Variants in DDX56 observed in about 807,000 individuals in gnomAD.
The protein encoded by DDX56 is DEAD-box helicase 56.
A neutral mutation model predicts 61.5 loss-of-function variants in DDX56; 45 were observed. The observed-to-expected ratio is 0.73, with a 90% CI of 0.58 to 0.94. The LOEUF (loss-of-function observed/expected upper bound fraction) is 0.94. Among genes scored for constraint, DDX56 ranks in the 40% least tolerant of loss-of-function variants. DDX56 has a pLI of 0.00. For synonymous variants in DDX56, 273 were observed against 268.3 expected, an observed-to-expected ratio of 1.02 and a Z score of -0.17; for missense variants, 708 against 690.7, an observed-to-expected ratio of 1.02 and a Z score of -0.28.
Position 44,569,923 on chromosome 7 carries a change from A to G in DDX56, c.1125-20T>C, listed in dbSNP as rs1802630408. On this transcript the variant is annotated intron_variant, in intron 8 of 13. Transcript: ENST00000258772. ...GCTGTCCTGCAAGGGAAGACAGTGC[A>G]GCTTGCATCTCCAACCCGCAGGCTC... 5.0e-6 allele frequency: 8 copies of G among 1,611,418 alleles called. No homozygotes were observed. Among genetic ancestry groups the G allele is most frequent in the Non-Finnish European group, 6.8e-6 (8 of 1,178,586 alleles).
At position 44,573,305 on chromosome 7, in the gene DDX56, T is replaced by G. The variant is rs149294210; in HGVS notation, c.223-255A>C. ...TAGTTATGAAGCTAAATTCTCACAATAATTCTGTAAGTAGAAAAGATAGAT... is the reference window on the plus strand; with the variant it reads ...TAGTTATGAAGCTAAATTCTCACAAGAATTCTGTAAGTAGAAAAGATAGAT... On this transcript the variant is annotated intron_variant, in intron 2 of 13. Coordinates refer to ENST00000258772, the MANE Select transcript of DDX56 (RefSeq NM_019082.4). 1.9e-4 allele frequency among the ~76,000 whole-genome samples: 29 copies of G among 152,364 alleles called. No homozygotes were observed. In the East Asian group the frequency reaches 5.4e-3, roughly 28 times the overall value.
At position 44,568,229 on chromosome 7, in the gene DDX56, G is replaced by A. The variant is rs751082492; in HGVS notation, c.1384-6C>T. 3.5e-5 allele frequency: 56 copies of A among 1,597,476 alleles called. No homozygotes were observed. The highest frequency in any genetic ancestry group is 5.1e-5 in the Admixed American group (3 of 58,910). ...GGGTTGTCTTCAAAGTATGTCTGCC[G>A]GGGGAAGAGGGAGAGCCACAGAGTG... is the stretch of plus-strand genomic sequence containing the variant. On this transcript the variant is annotated splice_polypyrimidine_tract_variant and splice_region_variant and intron_variant, in intron 11 of 13. Transcript: ENST00000258772.
Position 44,569,942 on chromosome 7 carries a change from C to A in DDX56, c.1125-39G>T, listed in dbSNP as rs1367501442. 6 of 1,611,660 alleles carry A rather than the reference C, an allele frequency of 3.7e-6. No individual in the cohort carries two copies. In the Admixed American group the frequency reaches 1.0e-4, roughly 27 times the overall value. On this transcript the variant is annotated intron_variant, in intron 8 of 13. Coordinates refer to ENST00000258772, the MANE Select transcript of DDX56 (RefSeq NM_019082.4). ...CAGTGCAGCTTGCATCTCCAACCCG[C>A]AGGCTCTGTCCAGCACACCCCAAGT...
Position 44,566,435 on chromosome 7 carries a change from C to A in DDX56, c.1566+13G>T. 1 of 1,551,086 alleles carries A rather than the reference C, an allele frequency of 6.4e-7. No individual in the cohort carries two copies. Among genetic ancestry groups the A allele is most frequent in the South Asian group, 1.2e-5 (1 of 84,050 alleles). ...GGAGTCCTGGGGCTGTCCGCAGTCC[C>A]CAGGAGCCGTACCTTGGCCTTCCTA... On this transcript the variant is annotated intron_variant, in intron 13 of 13. Transcript: ENST00000258772.
chr7:44,571,025 G>C, intron 6 of DDX56, 148 bp from the exon 7 acceptor site: 1 of 1,102,904 alleles, frequency 9.1e-7, no homozygotes, highest in Non-Finnish European at 1.2e-6. Flanking sequence ...AGTTTCCTCA[G>C]CTGGAAATAA....
At chr7:44,573,473 C>A (rs568745589) in intron 2 of DDX56, 110 bp downstream of exon 2, 3 of 1,406,084 alleles carry the variant, frequency 2.1e-6, no homozygotes, top group African/African-American at 1.4e-5. Context: ...GGTTCTCAGG[C>A]CGGCCTGCAC....
rs1802651645 is a variant in DDX56, at chr7:44,570,832, GAC to G, written c.934_935del (p.Val312HisfsTer4). The G allele has an allele frequency of 1.9e-6, 3 of 1,614,050 alleles. No individual in the cohort carries two copies. The highest frequency in any genetic ancestry group is 1.7e-6 in the Non-Finnish European group (2 of 1,179,928). ...SQFNQGFYDC[V>X]IATDAEVLGA... ...CCAGGACTTCAGCATCAGTTGCTATGACACAGTCGTAGAAGCCTTGGTTGAAC... is the reference window on the plus strand; with the variant it reads ...CCAGGACTTCAGCATCAGTTGCTATGACAGTCGTAGAAGCCTTGGTTGAAC... On this transcript the variant is annotated frameshift_variant, in exon 7 of 14. Coordinates refer to ENST00000258772, the MANE Select transcript of DDX56 (RefSeq NM_019082.4). LOFTEE classifies it high-confidence loss of function.
At chr7:44,567,710 G>A (rs1192153457) in intron 12 of DDX56, 2 of 287,194 alleles carry the variant, frequency 7.0e-6, no homozygotes, top group Admixed American at 9.7e-5. Flanking sequence ...CTCCACAGAT[G>A]CCTCTTCAGC....
rs777735736 is a variant in DDX56 at position 44,570,763 on chromosome 7, C to A, written c.1005G>T (p.Gly335=). 3.1e-6 allele frequency: 5 copies of A among 1,608,446 alleles called. No individual in the cohort carries two copies. The highest frequency in any genetic ancestry group is 4.2e-6 in the Non-Finnish European group (5 of 1,177,146). The stretch of plus-strand genomic sequence containing the variant: ...AAAAAGAGGCATGGACTCACTTGTC[C>A]CCTTTGGGCCCTCGGCCCCGACGCT... The part of the protein sequence containing the change: ...KGKRRGRGPK[G]DKASDPEAGV... Residue 335 remains glycine (G), a synonymous_variant, in exon 7 of 14, where the codon GGG becomes GGT. Transcript: ENST00000258772.
intron 2 of DDX56, 61 bp from the exon 3 acceptor site, chr7:44,573,111 C>A: frequency 6.8e-7 from 1 of 1,472,808 alleles, no homozygotes; most frequent in Non-Finnish European, 9.1e-7. Flanking sequence ...CCACGTGTCT[C>A]TACCCCTTCC....
chr7:44,568,008 C>A, intron 12 of DDX56, 110 bp downstream of exon 12: 1 of 855,408 alleles, frequency 1.2e-6, no homozygotes. Context: ...TCTCCAGGTT[C>A]TATTCTGCCT....
At chr7:44,568,605 G>A (rs1474801937) in intron 11 of DDX56, among the ~76,000 whole-genome samples, 1 of 152,062 alleles carries the variant, frequency 6.6e-6, no homozygotes, top group Non-Finnish European at 1.5e-5. Context: ...GCAGGCACAT[G>A]CTTGACTGTG....
At chr7:44,569,715 T>A in intron 9 of DDX56, 94 bp downstream of exon 9, 1 of 1,120,144 alleles carries the variant, frequency 8.9e-7, no homozygotes. Context: ...CCTGTCACAC[T>A]ATGTTGTGAC....
At chr7:44,573,255 G>A (rs577195065) in intron 2 of DDX56, among the ~76,000 whole-genome samples, 55 of 152,340 alleles carry the variant, frequency 3.6e-4, no homozygotes, top group African/African-American at 8.2e-4. Flanking sequence ...GTACTCTGAT[G>A]TTTATGAAGC....
At chr7:44,573,108 T>A in intron 2 of DDX56, 58 bp from the exon 3 acceptor site, 10 of 1,478,392 alleles carry the variant, frequency 6.8e-6, no homozygotes, top group Non-Finnish European at 9.1e-6. Context: ...TGTCCACGTG[T>A]CTCTACCCCT....
rs774897954 is a variant in DDX56, at chr7:44,568,996, G to T, written c.1294-4C>A. 2 of 1,614,056 alleles carry T rather than the reference G, an allele frequency of 1.2e-6. No individual in the cohort carries two copies. The highest frequency in any genetic ancestry group is 1.3e-5 in the African/African-American group (1 of 75,066). ...TAGTCACTGAGCGCATGGCATCCTG[G>T]GGGTGGACACTGAAGGTCAAGACAG... On this transcript the variant is annotated splice_polypyrimidine_tract_variant and splice_region_variant and intron_variant, in intron 10 of 13. Coordinates refer to ENST00000258772, the MANE Select transcript of DDX56 (RefSeq NM_019082.4).
At chr7:44,567,329 G>C (rs1239062323) in intron 12 of DDX56, among the ~76,000 whole-genome samples, 2 of 152,170 alleles carry the variant, frequency 1.3e-5, no homozygotes, top group African/African-American at 2.4e-5. Context: ...GTGGCTGCAG[G>C]TCCAGGCTGA....
At chr7:44,569,937 A>G in intron 8 of DDX56, 34 bp from the exon 9 acceptor site, 1 of 1,611,456 alleles carries the variant, frequency 6.2e-7, no homozygotes, top group Non-Finnish European at 8.5e-7. Context: ...TGCATCTCCA[A>G]CCCGCAGGCT....
intron 13 of DDX56, 57 bp from the exon 14 acceptor site, chr7:44,566,136 C>T (rs56160701): frequency 4.3e-6 from 3 of 698,692 alleles, no homozygotes; most frequent in Non-Finnish European, 6.3e-6. Context: ...ACAATCCACC[C>T]ACCCACCCAC....
Sources: gnomAD v4.1 joint callset for allele counts (sites outside exome capture counted in the v4.1 genomes callset) on GRCh38, gnomAD v4.1.1 for gene constraint, MANE v1.5 for transcripts, NCBI Gene and HGNC (gene_info 2026-07-23, HGNC 2026-07-21) for gene names.